GTF3C5: variants seen among roughly 807,000 people sequenced by gnomAD.
The protein encoded by GTF3C5 is general transcription factor IIIC subunit 5, also known as general transcription factor 3C polypeptide 5.
In GTF3C5, 47 loss-of-function variants were observed where a neutral mutation model predicts 61.0. The observed-to-expected ratio is 0.77, with a 90% confidence interval of 0.61 to 0.98. The LOEUF (loss-of-function observed/expected upper bound fraction) is 0.98, where lower values mean the gene tolerates loss of function less well. GTF3C5 is among the 50% of genes least tolerant of loss of function. The pLI is 0.00. For synonymous variants in GTF3C5, 295 were observed against 275.4 expected, an observed-to-expected ratio of 1.07 and a Z score of -0.71; for missense variants, 659 against 703.3, an observed-to-expected ratio of 0.94 and a Z score of 0.71.
At chr9:133,038,544 G>A (rs1344976538) in intron 1 of GTF3C5, among the ~76,000 whole-genome samples, 5 of 149,218 alleles carry the variant, frequency 3.4e-5, no homozygotes, top group Admixed American at 6.7e-5. Flanking sequence ...TCCGCCTCCC[G>A]GGTTCAAGCA....
upstream of GTF3C5, chr9:133,030,749 A>G (rs978831202): frequency 1.7e-6 from 1 of 586,108 alleles, no homozygotes; most frequent in Non-Finnish European, 3.1e-6. Context: ...AGTAGGAGAG[A>G]CTGGTGCTTG....
intron 1 of GTF3C5, among the ~76,000 whole-genome samples, chr9:133,039,318 T>C (rs574120965): frequency 6.6e-6 from 1 of 152,276 alleles, no homozygotes; most frequent in Non-Finnish European, 1.5e-5. Flanking sequence ...GAAAAAAAAA[T>C]TTACTGTCTC....
chr9:133,036,821 C>T lies in GTF3C5; in HGVS notation c.154-5266C>T, dbSNP rs118001717. ...GTTTTAGGCAAAGTTAAGAAGGACACGATCCCTTCGACGTGTTCAGTTCCT... is the reference window on the plus strand; with the variant it reads ...GTTTTAGGCAAAGTTAAGAAGGACATGATCCCTTCGACGTGTTCAGTTCCT... On this transcript the variant is annotated intron_variant, in intron 1 of 10. Transcript: ENST00000372097. Among the ~76,000 whole-genome samples, 84 of 152,242 alleles carry T rather than the reference C, an allele frequency of 5.5e-4. No homozygotes were observed. In the East Asian group the frequency reaches 0.015, roughly 28 times the overall value.
At chr9:133,049,246 C>T (rs972406450) in intron 3 of GTF3C5, among the ~76,000 whole-genome samples, 4 of 152,222 alleles carry the variant, frequency 2.6e-5, no homozygotes, top group Admixed American at 1.3e-4. Context: ...CAGCCTCTCC[C>T]TACAGGGTTG....
Position 133,057,831 on chromosome 9 carries a change from G to C in GTF3C5, c.1411G>C (p.Ala471Pro), listed in dbSNP as rs1829983827. 6.2e-7 allele frequency: 1 copy of C among 1,610,292 alleles called. No homozygotes were observed. Among genetic ancestry groups the C allele is most frequent in the African/African-American group, 1.3e-5 (1 of 75,030 alleles). ...GGCCCCAGCTCTCTTTTCCAGCTCA[G>C]CCAAGGCTGATGGCGGAAAAGAGCA... ...SKRPALFSSSAKADGGKEQLT... is the reference protein window; with the variant it reads ...SKRPALFSSSPKADGGKEQLT... Residue 471 changes from alanine (A) to proline (P), a missense_variant, in exon 11 of 11, where the codon GCC (alanine) becomes CCC (proline). Coordinates refer to ENST00000372097, the MANE Select transcript of GTF3C5 (RefSeq NM_012087.4).
Position 133,043,838 on chromosome 9 carries a change from C to A in GTF3C5, c.484C>A (p.Gln162Lys), listed in dbSNP as rs150056568. 1,550 of 1,614,064 alleles carry A rather than the reference C, an allele frequency of 9.6e-4. 1 individual carries two copies. Among genetic ancestry groups the A allele is most frequent in the Non-Finnish European group, 1.1e-3 (1,251 of 1,179,924 alleles). Residue 162 changes from glutamine to lysine, a missense_variant, in exon 3 of 11, where the codon CAG (glutamine) becomes AAG (lysine). Gln to Lys is a moderately conservative substitution (Grantham distance 53). Coordinates refer to ENST00000372097, the MANE Select transcript of GTF3C5 (RefSeq NM_012087.4). Reference sequence around the variant, plus strand: ...GCCCGAGAAGGAGGCCTTTTTCCACCAGGAGCTGCCGCTCTACATCCCCCC... The same window carrying A: ...GCCCGAGAAGGAGGCCTTTTTCCACAAGGAGCTGCCGCTCTACATCCCCCC... Reference protein sequence around the residue: ...LRPEKEAFFHQELPLYIPPPI... With the variant: ...LRPEKEAFFHKELPLYIPPPI...
chr9:133,043,908 G>C lies in GTF3C5; in HGVS notation c.554G>C (p.Arg185Pro), dbSNP rs754188625. 1 of 1,613,628 alleles carries C rather than the reference G, an allele frequency of 6.2e-7. No homozygotes were observed. The highest frequency in any genetic ancestry group is 8.5e-7 in the Non-Finnish European group (1 of 1,179,680). ...RLDAPVDYFY[R>P]PETQHREGYN... ...GACGCCCCGGTGGACTACTTCTACCGACCAGAGACCCAGCACCGGTAAGGC... is the reference window on the plus strand; with the variant it reads ...GACGCCCCGGTGGACTACTTCTACCCACCAGAGACCCAGCACCGGTAAGGC... Residue 185 changes from arginine (R) to proline (P), a missense_variant, in exon 3 of 11, where the codon CGA becomes CCA. Physicochemically the swap from Arg to Pro is moderately radical, Grantham distance 103. Coordinates refer to ENST00000372097, the MANE Select transcript of GTF3C5 (RefSeq NM_012087.4).
At chr9:133,031,283 C>A in intron 1 of GTF3C5, 119 bp downstream of exon 1, 1 of 797,322 alleles carries the variant, frequency 1.3e-6, no homozygotes, top group Non-Finnish European at 2.0e-6. Context: ...AAGGGTGCTG[C>A]TCGCTCTTCT....
At chr9:133,045,879 C>A (rs577597581) in intron 3 of GTF3C5, among the ~76,000 whole-genome samples, 7 of 152,242 alleles carry the variant, frequency 4.6e-5, no homozygotes, top group African/African-American at 1.2e-4. Context: ...TCCAGTGATC[C>A]GCCCACCTCA....
In GTF3C5 at chr9:133,037,392, C is replaced by T. The variant is rs116007502; in HGVS notation, c.154-4695C>T. 7.0e-3 allele frequency among the ~76,000 whole-genome samples: 1,070 copies of T among 152,158 alleles called. 12 individuals carry two copies. Among genetic ancestry groups the T allele is most frequent in the African/African-American group, 0.022 (894 of 41,466 alleles). Reference sequence around the variant, plus strand: ...GCAGTATTGGGATAAGGGGACACACCGGGTTCAAGGAGCCCGTCCCTAATG... The same window carrying T: ...GCAGTATTGGGATAAGGGGACACACTGGGTTCAAGGAGCCCGTCCCTAATG... On this transcript the variant is annotated intron_variant, in intron 1 of 10. Transcript: ENST00000372097.
At position 133,057,869 on chromosome 9, in the gene GTF3C5, G is replaced by A; in HGVS notation, c.1449G>A (p.Glu483=). The change falls in exon 11 of 11, where the codon GAG becomes GAA. Residue 483 remains glutamate (E), a synonymous_variant. Transcript: ENST00000372097. The part of the protein sequence containing the change: ...ADGGKEQLTY[E]SGEDEEDEEE... Reference sequence around the variant, plus strand: ...GCGGAAAAGAGCAGCTGACGTACGAGTCTGGGGAAGACGAGGAGGATGAGG... The same window carrying A: ...GCGGAAAAGAGCAGCTGACGTACGAATCTGGGGAAGACGAGGAGGATGAGG... 1 of 1,613,758 alleles carries A rather than the reference G, an allele frequency of 6.2e-7. No homozygotes were observed. Among genetic ancestry groups the A allele is most frequent in the South Asian group, 1.1e-5 (1 of 91,078 alleles).
upstream of GTF3C5, chr9:133,030,936 C>G: frequency 6.6e-7 from 1 of 1,517,618 alleles, no homozygotes; most frequent in Non-Finnish European, 9.1e-7. Flanking sequence ...ACGATTCCTT[C>G]GCGGAACAAT....
intron 6 of GTF3C5, 120 bp from the exon 7 acceptor site, chr9:133,054,288 T>A (rs1416574568): frequency 1.3e-5 from 10 of 774,756 alleles, no homozygotes; most frequent in Non-Finnish European, 2.0e-5. Flanking sequence ...CTTGGCAGTC[T>A]GGGGTTGCCC....
chr9:133,054,996 T>G, intron 8 of GTF3C5, 187 bp downstream of exon 8: 1 of 1,551,652 alleles, frequency 6.4e-7, no homozygotes. Context: ...CCCAGGGCTG[T>G]GTGTGTTGGG....
chr9:133,050,865 G>A lies in GTF3C5; in HGVS notation c.655G>A (p.Val219Ile), dbSNP rs1306008329. 1.2e-6 allele frequency: 2 copies of A among 1,612,924 alleles called. No individual in the cohort carries two copies. ...RARRPHNAIF[V>I]NFEDEEVPKQ... ...CCGGCGCCCCCACAATGCCATCTTT[G>A]TCAACTTTGAGGATGAGGAGGTGCC... Residue 219 changes from valine to isoleucine, a missense_variant, in exon 4 of 11, where the codon GTC (valine) becomes ATC (isoleucine). Val to Ile is a conservative substitution (Grantham distance 29, BLOSUM62 3). Transcript: ENST00000372097.
intron 3 of GTF3C5, among the ~76,000 whole-genome samples, chr9:133,046,534 A>G (rs559682573): frequency 7.0e-4 from 107 of 152,246 alleles, no homozygotes; most frequent in African/African-American, 2.3e-3. Flanking sequence ...AAGGGGTGGG[A>G]GGGCTTTCTC....
Position 133,058,145 on chromosome 9 carries a change from G to A in GTF3C5, c.*165G>A. ...GGTGCAGCTGACCCTAGCACTGGCT[G>A]TGACATGCTGCTTGGTGCTGCCTCT... On this transcript the variant is annotated 3_prime_UTR_variant, in exon 11 of 11. Transcript: ENST00000372097. The A allele has an allele frequency of 4.8e-6, 7 of 1,453,188 alleles. No homozygotes were observed. The highest frequency in any genetic ancestry group is 6.3e-6 in the Non-Finnish European group (7 of 1,103,642). The allele number at this position is 1,453,188 out of a possible 1,614,324, so 90.0% of individuals were successfully genotyped here. A position where few individuals can be genotyped will look rare whatever the true frequency, so the allele number is the denominator to read the frequency against.
intron 5 of GTF3C5, among the ~76,000 whole-genome samples, chr9:133,052,390 C>G (rs1408923537): frequency 2.3e-5 from 3 of 128,410 alleles, no homozygotes; most frequent in Non-Finnish European, 4.9e-5. Context: ...CTGGCACCCC[C>G]ATCCTTCCTT....
In GTF3C5 at chr9:133,056,889, C is replaced by T. The variant is rs1363104008; in HGVS notation, c.1374C>T (p.Thr458=). The T allele has an allele frequency of 2.5e-6, 4 of 1,604,792 alleles. No homozygotes were observed. In the African/African-American group the frequency reaches 5.4e-5, roughly 22 times the overall value. Residue 458 remains threonine (T), a synonymous_variant, in exon 10 of 11, where the codon ACC becomes ACT. Transcript: ENST00000372097. ...CCATGTCCCTCATGATCCGGCAGAC[C>T]ATCCGCTCCAAGAGGCCTGGTAAGA... ...RDTMSLMIRQ[T]IRSKRPALFS...
Sources: gnomAD v4.1 joint callset for allele counts (sites outside exome capture counted in the v4.1 genomes callset) on GRCh38, gnomAD v4.1.1 for gene constraint, MANE v1.5 for transcripts, NCBI Gene and HGNC (gene_info 2026-07-23, HGNC 2026-07-21) for gene names.